EFCAB11: variants seen among roughly 807,000 people sequenced by gnomAD.
The protein encoded by EFCAB11 is EF-hand calcium binding domain 11, also known as EF-hand calcium-binding domain-containing protein 11.
EFCAB11 carries 14 observed loss-of-function variants against 23.0 expected under a neutral mutation model. That is an observed-to-expected ratio of 0.61 (90% CI 0.40 to 0.95). EFCAB11 has a LOEUF of 0.95. Among genes scored for constraint, EFCAB11 ranks in the 40% least tolerant of loss-of-function variants. The pLI, the probability that EFCAB11 is intolerant of heterozygous loss-of-function variation, is 0.00. For missense variants in EFCAB11, 198 were observed against 195.8 expected, an observed-to-expected ratio of 1.01 and a Z score of -0.07; for synonymous variants, 65 against 66.6, an observed-to-expected ratio of 0.98 and a Z score of 0.11.
chr14:89,830,446 A>G (rs1886846136), intron 5 of EFCAB11: 1 of 152,174 alleles, frequency 6.6e-6, no homozygotes, highest in Admixed American at 6.5e-5. Context: ...TTTATTTTAT[A>G]TGTCTTTTTC....
intron 2 of EFCAB11, among the ~76,000 whole-genome samples, chr14:89,950,932 A>G (rs1267463520): frequency 1.1e-4 from 16 of 151,886 alleles, no homozygotes; most frequent in Admixed American, 5.2e-4. Context: ...CTAACGTTCT[A>G]TCCTCAGACC....
intron 5 of EFCAB11, among the ~76,000 whole-genome samples, chr14:89,894,143 G>T (rs974559086): frequency 6.6e-6 from 1 of 151,948 alleles, no homozygotes; most frequent in South Asian, 2.1e-4. Context: ...GTAGAGATGG[G>T]GTTTCACCGT....
At chr14:89,799,575 A>G (rs1885699719) in intron 5 of EFCAB11, 1 of 152,154 alleles carries the variant, frequency 6.6e-6, no homozygotes, top group Non-Finnish European at 1.5e-5. Context: ...TTCAACCCTA[A>G]CGTGAGTTTG....
chr14:89,901,699 AAATATATAATACAAT>A (rs1291138184), intron 5 of EFCAB11, among the ~76,000 whole-genome samples: 1 of 152,224 alleles, frequency 6.6e-6, no homozygotes, highest in Non-Finnish European at 1.5e-5. Context: ...ACAGGGACAT[AAATATATAATACAAT>A]ATAAATACAC....
At chr14:89,895,171 C>A (rs1447845948) in intron 5 of EFCAB11, among the ~76,000 whole-genome samples, 1 of 152,038 alleles carries the variant, frequency 6.6e-6, no homozygotes, top group African/African-American at 2.4e-5. Flanking sequence ...TAAGTGAAAA[C>A]CAATGTGATT....
At chr14:89,846,101 G>A (rs779629667) in intron 5 of EFCAB11, among the ~76,000 whole-genome samples, 25 of 152,178 alleles carry the variant, frequency 1.6e-4, no homozygotes, top group Non-Finnish European at 2.2e-4. Context: ...CCTATCTTGC[G>A]GAGTTATAAG....
chr14:89,837,874 C>A (rs1167942099), intron 5 of EFCAB11, among the ~76,000 whole-genome samples: 1 of 151,820 alleles, frequency 6.6e-6, no homozygotes, highest in Non-Finnish European at 1.5e-5. Flanking sequence ...ATATCAGTTT[C>A]TTTTTTTTCA....
chr14:89,898,237 G>A (rs148505547), intron 5 of EFCAB11, among the ~76,000 whole-genome samples: 10 of 152,300 alleles, frequency 6.6e-5, no homozygotes, highest in African/African-American at 2.4e-4. Flanking sequence ...TGTAAAATAA[G>A]AGACTGTACC....
intron 5 of EFCAB11, among the ~76,000 whole-genome samples, chr14:89,812,907 A>G (rs936147790): frequency 6.6e-6 from 1 of 152,238 alleles, no homozygotes; most frequent in Non-Finnish European, 1.5e-5. Flanking sequence ...GAATACATGA[A>G]AACTTAAAAT....
chr14:89,800,216 C>CAAAT, intron 5 of EFCAB11, among the ~76,000 whole-genome samples: 1 of 151,846 alleles, frequency 6.6e-6, no homozygotes, highest in Admixed American at 6.6e-5. Context: ...AACAAACAAA[C>CAAAT]AAACAAACGC....
chr14:89,818,293 T>C (rs1325522326), intron 5 of EFCAB11, among the ~76,000 whole-genome samples: 1 of 152,072 alleles, frequency 6.6e-6, no homozygotes, highest in African/African-American at 2.4e-5. Flanking sequence ...CTCACCAAAA[T>C]AGCAAGTAAA....
At chr14:89,948,924 G>C (rs916293461) in intron 3 of EFCAB11, among the ~76,000 whole-genome samples, 3 of 147,872 alleles carry the variant, frequency 2.0e-5, no homozygotes, top group East Asian at 3.9e-4. Flanking sequence ...TGATAGTACA[G>C]AATGGTAACT....
chr14:89,954,209 G>A, intron 1 of EFCAB11: 1 of 1,000,458 alleles, frequency 1.0e-6, no homozygotes, highest in Non-Finnish European at 1.5e-6. Context: ...TTCCCTCAAA[G>A]TGCAAACGAG....
At chr14:89,817,285 G>T (rs1001037884) in intron 5 of EFCAB11, among the ~76,000 whole-genome samples, 2 of 152,094 alleles carry the variant, frequency 1.3e-5, no homozygotes, top group African/African-American at 2.4e-5. Flanking sequence ...GGAGGCCAAG[G>T]GGGGAGAACC....
At chr14:89,882,063 C>A (rs1002268229) in intron 5 of EFCAB11, among the ~76,000 whole-genome samples, 15 of 152,156 alleles carry the variant, frequency 9.9e-5, no homozygotes, top group Non-Finnish European at 2.1e-4. Flanking sequence ...GTTTTCTAAT[C>A]CCACTTCCCC....
At chr14:89,834,881 G>A (rs1887020620) in intron 5 of EFCAB11, among the ~76,000 whole-genome samples, 1 of 152,182 alleles carries the variant, frequency 6.6e-6, no homozygotes, top group African/African-American at 2.4e-5. Flanking sequence ...CCAAAGCTAT[G>A]GTGGAAGGAT....
At chr14:89,823,967 T>C (rs1416163036) in intron 5 of EFCAB11, among the ~76,000 whole-genome samples, 1 of 152,012 alleles carries the variant, frequency 6.6e-6, no homozygotes, top group East Asian at 1.9e-4. Flanking sequence ...TGGTCTAACA[T>C]ATGCATAATT....
At chr14:89,856,127 T>C (rs1159063558) in intron 5 of EFCAB11, among the ~76,000 whole-genome samples, 3 of 152,190 alleles carry the variant, frequency 2.0e-5, no homozygotes, top group Non-Finnish European at 4.4e-5. Flanking sequence ...TTCCTTTGGG[T>C]ATATTCCCAG....
intron 5 of EFCAB11, among the ~76,000 whole-genome samples, chr14:89,815,325 T>C (rs77422005): frequency 5.8e-4 from 89 of 152,320 alleles, no homozygotes; most frequent in Non-Finnish European, 1.0e-3. Flanking sequence ...TTAGTTAGGA[T>C]TTCCCCCCAC....
Sources: allele counts gnomAD v4.1 joint callset (sites outside exome capture counted in the v4.1 genomes callset), GRCh38; gene constraint gnomAD v4.1.1; transcripts MANE v1.5; gene names NCBI Gene and HGNC (gene_info 2026-07-23, HGNC 2026-07-21).